The following NAAA variants were observed in gnomAD, a reference collection of about 807,000 sequenced individuals.
The protein encoded by NAAA is N-acylethanolamine-hydrolyzing acid amidase.
A neutral mutation model predicts 44.8 loss-of-function variants in NAAA; 39 were observed. That is an observed-to-expected ratio of 0.87 (90% confidence interval 0.67 to 1.14). The LOEUF is 1.14. Ranked by LOEUF, NAAA falls within the 50% of genes most tolerant of loss-of-function variation. The pLI is 0.00. For synonymous variants in NAAA, 178 were observed against 191.3 expected (o/e 0.93, Z 0.58); for missense variants, 460 against 467.8 (o/e 0.98, Z 0.15).
chr4:75,918,458 A>G (rs1725833218), intron 9 of NAAA, among the ~76,000 whole-genome samples: 1 of 147,632 alleles, frequency 6.8e-6, no homozygotes, highest in African/African-American at 2.5e-5. Flanking sequence ...CTGGCTCAAG[A>G]AAAAAAAAAA....
intron 8 of NAAA, chr4:75,919,486 A>T (rs114486183): frequency 0.068 from 11,623 of 171,028 alleles, 624 homozygotes; most frequent in African/African-American, 0.16. Context: ...ATGTCATATA[A>T]TTTTTTTTTT....
At chr4:75,918,706 T>C in intron 9 of NAAA, 55 bp downstream of exon 9, 1 of 1,578,416 alleles carries the variant, frequency 6.3e-7, no homozygotes, top group Non-Finnish European at 8.7e-7. Context: ...AGTACGTGAG[T>C]GAGTTCACTG....
At chr4:75,939,758 G>GA in intron 2 of NAAA, 1 of 509,790 alleles carries the variant, frequency 2.0e-6, no homozygotes, top group South Asian at 2.4e-5. Flanking sequence ...TTGGGGAAGA[G>GA]AAAACCCGGG....
downstream of NAAA, among the ~76,000 whole-genome samples, chr4:75,911,674 T>A (rs1193392464): frequency 6.6e-6 from 1 of 152,142 alleles, no homozygotes; most frequent in East Asian, 1.9e-4. Context: ...CTGAAAAACA[T>A]CTCAAAAGAC....
chr4:75,918,342 C>G (rs554788582), intron 9 of NAAA, among the ~76,000 whole-genome samples: 3 of 152,168 alleles, frequency 2.0e-5, no homozygotes, highest in Admixed American at 6.5e-5. Flanking sequence ...GTAGTCCCAG[C>G]CACTTGGGAG....
rs78126286 is a variant in NAAA, at chr4:75,929,479, T to C, written c.589+1735A>G. On this transcript the variant is annotated intron_variant, in intron 4 of 10. Transcript: ENST00000286733. Reference sequence around the variant, plus strand: ...GACAGTATTTCATTAAATGCATATGTTGTAGACTAACTTGGTTATTTTTAA... The same window carrying C: ...GACAGTATTTCATTAAATGCATATGCTGTAGACTAACTTGGTTATTTTTAA... Among the ~76,000 whole-genome samples the C allele has an allele frequency of 3.3e-5, 5 of 152,360 alleles. No homozygotes were observed. The South Asian group carries it at 1.0e-3, about 32-fold the overall frequency.
intron 8 of NAAA, 75 bp from the exon 9 acceptor site, chr4:75,918,864 C>G: frequency 7.1e-7 from 1 of 1,401,128 alleles, no homozygotes; most frequent in South Asian, 1.2e-5. Context: ...TATGGAGGGC[C>G]GGGTGCAGTG....
At position 75,928,912 on chromosome 4, in the gene NAAA, C is replaced by T. The variant is rs575975692; in HGVS notation, c.589+2302G>A. On this transcript the variant is annotated intron_variant, in intron 4 of 10. Transcript: ENST00000286733. ...ACACCATTCTCCTGCCTCAGCCTCA[C>T]GCCTAGCTGGGACTACAGGCACCCG... Among the ~76,000 whole-genome samples, 38 of 151,900 alleles carry T rather than the reference C, an allele frequency of 2.5e-4. No individual in the cohort carries two copies. The South Asian group carries it at 5.8e-3, about 23-fold the overall frequency.
chr4:75,912,527 C>A (rs1395998183), downstream of NAAA, among the ~76,000 whole-genome samples: 2 of 145,428 alleles, frequency 1.4e-5, no homozygotes, highest in Non-Finnish European at 3.0e-5. Flanking sequence ...GCACTCCAGC[C>A]TGGGTGACAG....
At chr4:75,911,475 C>G (rs1310140730), downstream of NAAA, 7 of 445,638 alleles carry the variant, frequency 1.6e-5, no homozygotes, top group Non-Finnish European at 3.2e-5. Flanking sequence ...AACTCAGAGG[C>G]TAGGGTTTTA....
intron 3 of NAAA, among the ~76,000 whole-genome samples, chr4:75,933,578 C>T (rs932946339): frequency 6.6e-6 from 1 of 152,162 alleles, no homozygotes; most frequent in Middle Eastern, 3.4e-3. Context: ...AAAGTCACAT[C>T]GTAGTTTTCA....
Position 75,925,711 on chromosome 4 carries a change from G to A in NAAA, c.666+24C>T, listed in dbSNP as rs536047536. ...TAGAAGGTGGAGGTGGAGTTAAGGA[G>A]GGCTCCACATTAAATATACTCACAG... is the stretch of plus-strand genomic sequence containing the variant. On this transcript the variant is annotated intron_variant, in intron 5 of 10. Coordinates refer to ENST00000286733, the MANE Select transcript of NAAA (RefSeq NM_014435.4). The A allele has an allele frequency of 1.1e-4, 173 of 1,607,346 alleles. 3 individuals are homozygous for A. The South Asian group carries it at 1.8e-3, about 17-fold the overall frequency.
intron 9 of NAAA, 61 bp from the exon 10 acceptor site, chr4:75,915,046 GA>G: frequency 7.9e-7 from 1 of 1,258,328 alleles, no homozygotes; most frequent in Non-Finnish European, 1.2e-6. Flanking sequence ...AGAAAGGGAA[GA>G]AAATGACCAA....
At chr4:75,925,503 AC>A (rs1330823802) in intron 5 of NAAA, among the ~76,000 whole-genome samples, 1 of 152,080 alleles carries the variant, frequency 6.6e-6, no homozygotes, top group Non-Finnish European at 1.5e-5. Context: ...TTCACACTGG[AC>A]TCTTCCTTAC....
chr4:75,915,211 G>C (rs529016944), intron 9 of NAAA, among the ~76,000 whole-genome samples: 7 of 152,192 alleles, frequency 4.6e-5, no homozygotes, highest in Admixed American at 1.3e-4. Context: ...TAATTAGCTG[G>C]GTGTGGTGGT....
At chr4:75,930,453 G>A in intron 4 of NAAA, 2 of 516,338 alleles carry the variant, frequency 3.9e-6, no homozygotes, top group Non-Finnish European at 7.7e-6. Context: ...AAAAATAACA[G>A]CCCTGCCTAA....
At chr4:75,912,586 C>T (rs1286513813), downstream of NAAA, among the ~76,000 whole-genome samples, 1 of 150,800 alleles carries the variant, frequency 6.6e-6, no homozygotes, top group Non-Finnish European at 1.5e-5. Flanking sequence ...TTTAGCCTGG[C>T]CAACATGGCA....
At chr4:75,915,698 G>C (rs1337062557) in intron 9 of NAAA, among the ~76,000 whole-genome samples, 1 of 152,266 alleles carries the variant, frequency 6.6e-6, no homozygotes, top group African/African-American at 2.4e-5. Flanking sequence ...CATGCTTTGG[G>C]GGGGTGGTAT....
Position 75,914,327 on chromosome 4 carries a change from T to G in NAAA, c.*48A>C, listed in dbSNP as rs1725465033. ...TGCAGCTCTTCAAGAATTTCATTTT[T>G]TAAAAAATCATCTGTAAGGGAAGAA... On this transcript the variant is annotated 3_prime_UTR_variant, in exon 11 of 11. Coordinates refer to ENST00000286733, the MANE Select transcript of NAAA (RefSeq NM_014435.4). 1.0e-6 allele frequency: 1 copy of G among 982,930 alleles called. No homozygotes were observed. Among genetic ancestry groups the G allele is most frequent in the East Asian group, 1.1e-4 (1 of 8,812 alleles). The allele number at this position is 982,930 out of a possible 1,614,324, so 60.9% of individuals were successfully genotyped here.
Sources: gnomAD v4.1 joint callset for allele counts (sites outside exome capture counted in the v4.1 genomes callset) on GRCh38, gnomAD v4.1.1 for gene constraint, MANE v1.5 for transcripts, NCBI Gene and HGNC (gene_info 2026-07-23, HGNC 2026-07-21) for gene names.